The following BAZ1B variants were observed in gnomAD, a reference collection of about 807,000 sequenced individuals.
The protein encoded by BAZ1B is bromodomain adjacent to zinc finger domain 1B, also known as tyrosine-protein kinase BAZ1B.
A neutral mutation model predicts 153.8 loss-of-function variants in BAZ1B; 22 were observed. The observed-to-expected ratio is 0.14, with a 90% CI of 0.10 to 0.20. BAZ1B has a LOEUF of 0.20. Among genes scored for constraint, BAZ1B ranks in the 10% least tolerant of loss-of-function variants. The pLI, the probability that BAZ1B is intolerant of heterozygous loss-of-function variation, is 1.00. For synonymous variants in BAZ1B, 676 were observed against 633.4 expected (o/e 1.07, Z -1.01); for missense variants, 1,325 against 1,799.3 (o/e 0.74, Z 4.77).
chr7:73,512,013 A>G (rs1790601229), intron 1 of BAZ1B, among the ~76,000 whole-genome samples: 1 of 134,476 alleles, frequency 7.4e-6, no homozygotes, highest in Non-Finnish European at 1.6e-5. Flanking sequence ...GGGTGATAAG[A>G]GCGAAACTCC....
At chr7:73,497,065 CAAAA>C (rs1156829240) in intron 4 of BAZ1B, among the ~76,000 whole-genome samples, 1 of 49,528 alleles carries the variant, frequency 2.0e-5, no homozygotes, top group Non-Finnish European at 3.8e-5. Flanking sequence ...CTGACCTCTA[CAAAA>C]AAAAAAAAAA....
intron 15 of BAZ1B, among the ~76,000 whole-genome samples, chr7:73,449,305 G>A (rs541935090): frequency 2.0e-5 from 3 of 152,206 alleles, no homozygotes; most frequent in East Asian, 3.9e-4. Flanking sequence ...TGAGAAGAAG[G>A]TATGATCAAG....
chr7:73,443,134 C>T (rs1190920742), intron 17 of BAZ1B, among the ~76,000 whole-genome samples: 1 of 152,186 alleles, frequency 6.6e-6, no homozygotes, highest in Non-Finnish European at 1.5e-5. Context: ...CTACTGTCAA[C>T]AGGACACTAG....
At chr7:73,479,713 T>C (rs549161935) in intron 6 of BAZ1B, among the ~76,000 whole-genome samples, 5 of 152,100 alleles carry the variant, frequency 3.3e-5, no homozygotes, top group Non-Finnish European at 7.3e-5. Context: ...GATTAAATTT[T>C]AGTCAATCAT....
intron 11 of BAZ1B, chr7:73,464,028 C>T: frequency 1.3e-6 from 1 of 776,920 alleles, no homozygotes; most frequent in Non-Finnish European, 1.6e-6. Flanking sequence ...TCTTAATTTG[C>T]CTAGACACAT....
chr7:73,497,790 A>C (rs1789974972), intron 4 of BAZ1B, among the ~76,000 whole-genome samples: 1 of 152,182 alleles, frequency 6.6e-6, no homozygotes, highest in Non-Finnish European at 1.5e-5. Context: ...TAAAACCATC[A>C]CATTGGCTTA....
chr7:73,464,011 C>CT (rs1236919939), intron 11 of BAZ1B: 3 of 680,236 alleles, frequency 4.4e-6, no homozygotes, highest in East Asian at 2.7e-4. Flanking sequence ...CGGCCCTCCT[C>CT]TGTCTTTCTT....
At position 73,440,501 on chromosome 7, in the gene BAZ1B, T is replaced by TA. The variant is rs66527463; in HGVS notation, c.*1207dup. On this transcript the variant is annotated 3_prime_UTR_variant, in exon 20 of 20. Coordinates refer to ENST00000339594, the MANE Select transcript of BAZ1B (RefSeq NM_032408.4). ...TGGGGCCCTTCCTCTTTGAAGACAA[T>TA]AAAAAAAAAAAACAACAACAAACAA... The TA allele has an allele frequency of 5.5e-3, 784 of 141,508 alleles. 5 individuals are homozygous for TA. The highest frequency in any genetic ancestry group is 0.018 in the Middle Eastern group (5 of 278). The allele number at this position is 141,508 out of a possible 1,614,324, so 8.8% of individuals were successfully genotyped here.
Position 73,501,887 on chromosome 7 carries a change from ATTTTTTT to A in BAZ1B, c.370-3196_370-3190del, listed in dbSNP as rs200718272. Among the ~76,000 whole-genome samples the A allele has an allele frequency of 3.2e-3, 427 of 133,120 alleles. 1 individual carries two copies. The highest frequency in any genetic ancestry group is 4.7e-3 in the Non-Finnish European group (297 of 62,768). The allele number at this position is 133,120 out of a possible 152,430, so 87.3% of individuals were successfully genotyped here. A position where few individuals can be genotyped will look rare whatever the true frequency, so the allele number is the denominator to read the frequency against. The stretch of plus-strand genomic sequence containing the variant: ...TTTTCTTTCATAGTTCTTATCAAGA[ATTTTTTT>A]TTTTTTTTTTTTTTGAGACGGAATC... On this transcript the variant is annotated intron_variant, in intron 3 of 19. Transcript: ENST00000339594.
chr7:73,446,546 CAAAAAAAAAAA>C (rs1175189600), intron 16 of BAZ1B, among the ~76,000 whole-genome samples: 2 of 41,536 alleles, frequency 4.8e-5, no homozygotes, highest in Non-Finnish European at 1.1e-4. Flanking sequence ...GAGACCATCT[CAAAAAAAAAAA>C]AAAAAAAAAA....
chr7:73,498,753 G>T, intron 3 of BAZ1B, 55 bp from the exon 4 acceptor site: 4 of 1,503,526 alleles, frequency 2.7e-6, no homozygotes, highest in Non-Finnish European at 2.8e-6. Context: ...GAAACCTGAA[G>T]ATGTTTAGAA....
chr7:73,442,311 C>T lies in BAZ1B; in HGVS notation c.4337G>A (p.Gly1446Asp). ...LVALLHKHLP[G>D]HPYVRRKRKK... Reference sequence around the variant, plus strand: ...GCGCTTCCTGCGGACATATGGGTGGCCAGGAAGGTGTTTATGCAACAGAGC... The same window carrying T: ...GCGCTTCCTGCGGACATATGGGTGGTCAGGAAGGTGTTTATGCAACAGAGC... The change falls in exon 19 of 20, where the codon GGC becomes GAC. Residue 1446 changes from glycine (G) to aspartate (D), a missense_variant. Physicochemically the swap from Gly to Asp is moderately conservative, Grantham distance 94. Around this residue, in one of 9 missense-constraint regions of BAZ1B, gnomAD observed 271 missense variants for 337.2 expected, o/e 0.80. Coordinates refer to ENST00000339594, the MANE Select transcript of BAZ1B (RefSeq NM_032408.4). 1 of 1,614,166 alleles carries T rather than the reference C, an allele frequency of 6.2e-7. No individual in the cohort carries two copies. Among genetic ancestry groups the T allele is most frequent in the South Asian group, 1.1e-5 (1 of 91,078 alleles).
chr7:73,475,308 G>A (rs1554572597), intron 7 of BAZ1B, among the ~76,000 whole-genome samples: 1 of 152,100 alleles, frequency 6.6e-6, no homozygotes, highest in Admixed American at 6.6e-5. Context: ...ATAGGTAAAA[G>A]ATGAAAACAA....
chr7:73,486,599 T>C (rs1789417152), intron 6 of BAZ1B, among the ~76,000 whole-genome samples: 1 of 152,190 alleles, frequency 6.6e-6, no homozygotes, highest in Admixed American at 6.5e-5. Context: ...GTGCTAGGAT[T>C]ACAGGCGTGA....
chr7:73,520,147 G>A (rs1021641717), intron 1 of BAZ1B, among the ~76,000 whole-genome samples: 13 of 151,266 alleles, frequency 8.6e-5, no homozygotes, highest in Non-Finnish European at 5.9e-5. Context: ...AGGCGGAGAT[G>A]GCAGTGAGCC....
At chr7:73,484,540 A>C (rs1467130040) in intron 6 of BAZ1B, among the ~76,000 whole-genome samples, 1 of 152,052 alleles carries the variant, frequency 6.6e-6, no homozygotes, top group Non-Finnish European at 1.5e-5. Context: ...GCTACTCAGG[A>C]GGCTAAGGTA....
At chr7:73,456,830 C>T (rs1399806876) in intron 13 of BAZ1B, among the ~76,000 whole-genome samples, 1 of 150,556 alleles carries the variant, frequency 6.6e-6, no homozygotes, top group African/African-American at 2.4e-5. Context: ...CCTATAGTCT[C>T]AGCTACTTGG....
chr7:73,459,758 C>G, intron 12 of BAZ1B, 40 bp from the exon 13 acceptor site: 1 of 1,530,100 alleles, frequency 6.5e-7, no homozygotes, highest in Non-Finnish European at 8.8e-7. Flanking sequence ...AGAAAAGGCC[C>G]AGAGGAAGAC....
intron 4 of BAZ1B, among the ~76,000 whole-genome samples, chr7:73,497,967 T>TG (rs1428616253): frequency 1.4e-4 from 21 of 151,436 alleles, no homozygotes; most frequent in Non-Finnish European, 2.7e-4. Flanking sequence ...TTTTTTGAGA[T>TG]GGAGTTTTGT....
Sources: gnomAD v4.1 joint callset for allele counts (sites outside exome capture counted in the v4.1 genomes callset) on GRCh38, gnomAD v4.1.1 for gene constraint, gnomAD v4.1.1 regional missense constraint, MANE v1.5 for transcripts, NCBI Gene and HGNC (gene_info 2026-07-23, HGNC 2026-07-21) for gene names.